The following RIMS2 variants were observed in gnomAD, a reference collection of about 807,000 sequenced individuals.
The protein encoded by RIMS2 is regulating synaptic membrane exocytosis protein 2.
RIMS2 carries 59 observed loss-of-function variants against 174.4 expected under a neutral mutation model. The ratio of observed to expected loss-of-function variants is 0.34; its 90% confidence interval spans 0.27 to 0.42. The LOEUF is 0.42. Ranked by LOEUF, RIMS2 falls within the 10% of genes least tolerant of loss-of-function variation. RIMS2 has a pLI of 1.00. For synonymous variants in RIMS2, 606 were observed against 572.5 expected (o/e 1.06, Z -0.84); for missense variants, 1,620 against 1,666.3 (o/e 0.97, Z 0.48).
At chr8:103,657,302 A>G (rs1286086215) in intron 1 of RIMS2, among the ~76,000 whole-genome samples, 2 of 152,192 alleles carry the variant, frequency 1.3e-5, no homozygotes, top group African/African-American at 4.8e-5. Flanking sequence ...CATAGCTTCC[A>G]GGGTTGCTAC....
chr8:103,658,889 A>C (rs1481146103), intron 1 of RIMS2, among the ~76,000 whole-genome samples: 1 of 152,102 alleles, frequency 6.6e-6, no homozygotes, highest in Non-Finnish European at 1.5e-5. Flanking sequence ...TGCTGTGTCT[A>C]CTCATGTTAG....
intron 3 of RIMS2, among the ~76,000 whole-genome samples, chr8:103,781,207 G>GGAA (rs1402056461): frequency 6.6e-6 from 1 of 152,152 alleles, no homozygotes; most frequent in East Asian, 1.9e-4. Flanking sequence ...GTGAGTTGGG[G>GGAA]GAAGTATTCC....
At chr8:103,663,612 A>T (rs56345763) in intron 1 of RIMS2, among the ~76,000 whole-genome samples, 26,693 of 152,128 alleles carry the variant, frequency 0.18, 2,530 homozygotes, top group African/African-American at 0.23. Flanking sequence ...ACTACAAACC[A>T]CTGCTCAACG....
At chr8:104,187,157 T>C (rs1190083927) in intron 19 of RIMS2, among the ~76,000 whole-genome samples, 2 of 151,774 alleles carry the variant, frequency 1.3e-5, no homozygotes, top group Admixed American at 1.3e-4. Flanking sequence ...TATGCAAAAG[T>C]CATTGTATGG....
At chr8:103,609,356 TTTAA>T (rs1381653705) in intron 1 of RIMS2, among the ~76,000 whole-genome samples, 3 of 152,212 alleles carry the variant, frequency 2.0e-5, no homozygotes, top group Non-Finnish European at 4.4e-5. Flanking sequence ...ACCTCTTTAG[TTTAA>T]TTAAGTTCTA....
intron 19 of RIMS2, among the ~76,000 whole-genome samples, chr8:104,036,971 T>G (rs1377180850): frequency 6.6e-6 from 1 of 152,178 alleles, no homozygotes; most frequent in East Asian, 1.9e-4. Context: ...CCTAATTTAA[T>G]AGATGGCCAT....
intron 19 of RIMS2, among the ~76,000 whole-genome samples, chr8:104,226,035 T>C (rs1013039561): frequency 6.6e-6 from 1 of 152,204 alleles, no homozygotes; most frequent in Non-Finnish European, 1.5e-5. Flanking sequence ...TACTTCCTTT[T>C]TTTTCTTTTG....
chr8:103,541,667 T>G (rs1165384275), intron 1 of RIMS2, among the ~76,000 whole-genome samples: 1 of 152,234 alleles, frequency 6.6e-6, no homozygotes, highest in Non-Finnish European at 1.5e-5. Flanking sequence ...ACTCTAGTAC[T>G]GTAATGGTGG....
intron 1 of RIMS2, among the ~76,000 whole-genome samples, chr8:103,520,545 G>C (rs1831160455): frequency 6.6e-6 from 1 of 152,064 alleles, no homozygotes; most frequent in Admixed American, 6.6e-5. Flanking sequence ...GTTAAACAGA[G>C]TGTCATCTTT....
intron 19 of RIMS2, among the ~76,000 whole-genome samples, chr8:104,048,592 T>C (rs1272738119): frequency 6.6e-6 from 1 of 152,182 alleles, no homozygotes; most frequent in East Asian, 1.9e-4. Context: ...ATGTATGATA[T>C]GTTCACTAAG....
chr8:104,144,777 C>G (rs2098618072), intron 19 of RIMS2, among the ~76,000 whole-genome samples: 1 of 152,078 alleles, frequency 6.6e-6, no homozygotes, highest in South Asian at 2.1e-4. Flanking sequence ...GGCGCATCAT[C>G]TCATGAATCT....
intron 3 of RIMS2, among the ~76,000 whole-genome samples, chr8:103,850,275 A>G (rs2098990443): frequency 6.6e-6 from 1 of 152,078 alleles, no homozygotes; most frequent in Non-Finnish European, 1.5e-5. Flanking sequence ...TTGTAGAACA[A>G]AAGAATGAAA....
intron 19 of RIMS2, among the ~76,000 whole-genome samples, chr8:104,152,023 T>G (rs529219061): frequency 6.6e-6 from 1 of 152,306 alleles, no homozygotes; most frequent in South Asian, 2.1e-4. Flanking sequence ...TCTTTACATG[T>G]TTGGCACAAC....
intron 2 of RIMS2, among the ~76,000 whole-genome samples, chr8:103,727,963 T>C (rs2097544311): frequency 6.6e-6 from 1 of 152,186 alleles, no homozygotes. Context: ...TTTTTTTTAT[T>C]TCTGTGAAGA....
intron 19 of RIMS2, among the ~76,000 whole-genome samples, chr8:104,183,645 G>C (rs189306296): frequency 1.3e-5 from 2 of 151,618 alleles, no homozygotes; most frequent in African/African-American, 4.8e-5. Context: ...ATATAGAGAT[G>C]AAATTGTTAG....
chr8:104,205,215 AAGAAT>A (rs1015775275), intron 19 of RIMS2, among the ~76,000 whole-genome samples: 13 of 152,282 alleles, frequency 8.5e-5, no homozygotes, highest in African/African-American at 2.9e-4. Flanking sequence ...CATTGTGCTA[AAGAAT>A]AGAAAAGTAA....
intron 14 of RIMS2, among the ~76,000 whole-genome samples, chr8:103,958,538 A>G (rs185937294): frequency 6.6e-6 from 1 of 152,304 alleles, no homozygotes; most frequent in East Asian, 1.9e-4. Context: ...ACCTTCACAT[A>G]TACCTTCAAA....
In RIMS2 at chr8:104,057,560, A is replaced by G. The variant is rs572580614; in HGVS notation, c.3334+42945A>G. Among the ~76,000 whole-genome samples, 88 of 151,462 alleles carry G rather than the reference A, an allele frequency of 5.8e-4. 1 individual carries two copies. The highest frequency in any genetic ancestry group is 1.1e-3 in the Non-Finnish European group (77 of 67,886). On this transcript the variant is annotated intron_variant, in intron 19 of 23. Transcript: ENST00000504942. The stretch of plus-strand genomic sequence containing the variant: ...AGTTTAGATATCAGTTTCTTCTTTT[A>G]TTTTATTTTATTTTATTATTATTAT...
At chr8:104,019,301 T>G (rs553788121) in intron 19 of RIMS2, among the ~76,000 whole-genome samples, 8 of 152,324 alleles carry the variant, frequency 5.3e-5, no homozygotes, top group African/African-American at 1.9e-4. Flanking sequence ...TGAATACTAA[T>G]CTTACCAATT....
Sources: allele counts gnomAD v4.1 joint callset (sites outside exome capture counted in the v4.1 genomes callset), GRCh38; gene constraint gnomAD v4.1.1; transcripts MANE v1.5; gene names NCBI Gene and HGNC (gene_info 2026-07-23, HGNC 2026-07-21).